The following CABP1 variants were observed in gnomAD, a reference collection of about 807,000 sequenced individuals.
The protein encoded by CABP1 is calcium-binding protein 1.
In CABP1, 17 loss-of-function variants were observed where a neutral mutation model predicts 34.3. The ratio of observed to expected loss-of-function variants is 0.50; its 90% CI spans 0.34 to 0.74. CABP1 has a LOEUF of 0.74. Among genes scored for constraint, CABP1 ranks in the 30% least tolerant of loss-of-function variants. The probability of loss-of-function intolerance (pLI) is 0.01; values close to 1 mark genes in which losing one functional copy is unlikely to be tolerated. For synonymous variants in CABP1, 198 were observed against 229.2 expected (o/e 0.86, Z 1.23); for missense variants, 373 against 511.1 (o/e 0.73, Z 2.61).
intron 1 of CABP1, chr12:120,650,733 A>C: frequency 6.5e-4 from 1,013 of 1,554,682 alleles, no homozygotes; most frequent in Non-Finnish European, 8.1e-4. Context: ...GGGGTATCTC[A>C]CCATCTGTCT....
the CABP1 span, among the ~76,000 whole-genome samples, chr12:120,675,057 G>GT: frequency 5.6e-5 from 8 of 143,710 alleles, no homozygotes; most frequent in South Asian, 1.6e-3. Flanking sequence ...TTAAACATTA[G>GT]TTTTTTGTTT....
chr12:120,655,646 G>A lies in CABP1; in HGVS notation c.655-4232G>A, dbSNP rs573245269. 63 of 1,403,750 alleles carry A rather than the reference G, an allele frequency of 4.5e-5. No individual in the cohort carries two copies. The African/African-American group carries it at 8.8e-4, about 20-fold the overall frequency. 87.0% of individuals were successfully genotyped at this position (1,403,750 alleles called of 1,614,324 possible). On this transcript the variant is annotated intron_variant, in intron 1 of 5. Coordinates refer to ENST00000316803, the MANE Select transcript of CABP1 (RefSeq NM_001033677.2). ...GACAAGTCTGTTTGGGAGCTGGGAGGAATGACTTAGCCCTGGAGATTGACT... is the reference window on the plus strand; with the variant it reads ...GACAAGTCTGTTTGGGAGCTGGGAGAAATGACTTAGCCCTGGAGATTGACT...
At chr12:120,645,277 G>C (rs926588367) in intron 1 of CABP1, among the ~76,000 whole-genome samples, 8 of 152,158 alleles carry the variant, frequency 5.3e-5, no homozygotes, top group Non-Finnish European at 1.0e-4. Flanking sequence ...CTTTCTCTGG[G>C]GCCTGGGGAG....
In CABP1 at chr12:120,660,917, G is replaced by A. The variant is rs904909420; in HGVS notation, c.939+77G>A. 1 of 1,397,636 alleles carries A rather than the reference G, an allele frequency of 7.2e-7. No homozygotes were observed. Among genetic ancestry groups the A allele is most frequent in the African/African-American group, 1.4e-5 (1 of 70,536 alleles). 86.6% of individuals were successfully genotyped at this position (1,397,636 alleles called of 1,614,324 possible). A position where few individuals can be genotyped will look rare whatever the true frequency, so the allele number is the denominator to read the frequency against. On this transcript the variant is annotated intron_variant, in intron 4 of 5. Coordinates refer to ENST00000316803, the MANE Select transcript of CABP1 (RefSeq NM_001033677.2). The surrounding 1 kb of genome is among the most constrained non-coding windows in gnomAD (Gnocchi z 5.0). Reference sequence around the variant, plus strand: ...AGTATAAATACTTCAAAAGAAGCCTGAGCCTCAAGTCCCAGATCAGGGGAG... The same window carrying A: ...AGTATAAATACTTCAAAAGAAGCCTAAGCCTCAAGTCCCAGATCAGGGGAG...
chr12:120,640,921 C>T lies in CABP1; in HGVS notation c.236C>T (p.Ala79Val). 1 of 1,111,844 alleles carries T rather than the reference C, an allele frequency of 9.0e-7. No homozygotes were observed. Among genetic ancestry groups the T allele is most frequent in the Non-Finnish European group, 1.1e-6 (1 of 911,920 alleles). 68.9% of individuals were successfully genotyped at this position (1,111,844 alleles called of 1,614,324 possible). Reference protein sequence around the residue: ...TSLLKAAAAAASGGSRAPRHG... With the variant: ...TSLLKAAAAAVSGGSRAPRHG... ...CTGCTGAAGGCGGCGGCGGCGGCGG[C>T]GAGCGGGGGCAGCCGGGCTCCCCGC... The change falls in exon 1 of 6, where the codon GCG (alanine) becomes GTG (valine). Residue 79 changes from alanine (A) to valine (V), a missense_variant. Around this residue, in one of 4 missense-constraint regions of CABP1, gnomAD observed 134 missense variants for 145.4 expected, o/e 0.92. Coordinates refer to ENST00000316803, the MANE Select transcript of CABP1 (RefSeq NM_001033677.2). The surrounding 1 kb of genome is among the most constrained non-coding windows in gnomAD (Gnocchi z 6.2).
chr12:120,666,723 G>A (rs1019394418), intron 5 of CABP1, 152 bp from the exon 6 acceptor site: 2 of 790,778 alleles, frequency 2.5e-6, no homozygotes, highest in Non-Finnish European at 4.1e-6. Context: ...GAACACTCTC[G>A]CTGGCTGCTG....
intron 5 of CABP1, among the ~76,000 whole-genome samples, chr12:120,664,850 G>A (rs752392213): frequency 2.0e-5 from 3 of 151,262 alleles, no homozygotes; most frequent in Non-Finnish European, 4.4e-5. Context: ...ACTCCAGCCT[G>A]GGCAACAGAG....
chr12:120,648,207 A>AT (rs1879638937), intron 1 of CABP1, among the ~76,000 whole-genome samples: 1 of 152,142 alleles, frequency 6.6e-6, no homozygotes, highest in African/African-American at 2.4e-5. Context: ...GTCTTTCCTG[A>AT]TCCCCTAGAC....
intron 1 of CABP1, among the ~76,000 whole-genome samples, chr12:120,653,267 T>C (rs1263448879): frequency 1.3e-5 from 2 of 152,204 alleles, no homozygotes; most frequent in African/African-American, 4.8e-5. Context: ...ATGGCAACTC[T>C]ATTTATTCAC....
intron 1 of CABP1, among the ~76,000 whole-genome samples, chr12:120,644,829 C>T (rs1879476509): frequency 1.3e-5 from 2 of 152,162 alleles, no homozygotes. Flanking sequence ...TTTTGAGACA[C>T]AGTGTCACTC....
At chr12:120,659,108 CAT>C (rs1225205011) in intron 1 of CABP1, 4 of 152,256 alleles carry the variant, frequency 2.6e-5, no homozygotes, top group Admixed American at 6.5e-5. Context: ...AGGCTGGAGA[CAT>C]GTGCTTTTTG....
intron 5 of CABP1, among the ~76,000 whole-genome samples, chr12:120,664,880 GAA>G (rs77147570): frequency 2.5e-5 from 3 of 120,528 alleles, no homozygotes; most frequent in East Asian, 2.5e-4. Flanking sequence ...GTCTCAAAAA[GAA>G]AAAAAAAAAA....
In CABP1 at chr12:120,657,623, C is replaced by T. The variant is rs1170838170; in HGVS notation, c.655-2255C>T. ...ACATTAGTGGGCATCCCTGGCTCTACTCCAGGGCAGAGAACACACATAGCT... is the reference window on the plus strand; with the variant it reads ...ACATTAGTGGGCATCCCTGGCTCTATTCCAGGGCAGAGAACACACATAGCT... On this transcript the variant is annotated intron_variant, in intron 1 of 5. Coordinates refer to ENST00000316803, the MANE Select transcript of CABP1 (RefSeq NM_001033677.2). 2.0e-5 allele frequency among the ~76,000 whole-genome samples: 3 copies of T among 152,208 alleles called. 1 individual carries two copies. The highest frequency in any genetic ancestry group is 3.8e-4 in the East Asian group (2 of 5,206).
At chr12:120,672,969 A>G in the CABP1 span, among the ~76,000 whole-genome samples, 4 of 152,306 alleles carry the variant, frequency 2.6e-5, no homozygotes, top group African/African-American at 9.6e-5. Context: ...GGCAGAAGTT[A>G]CAGTGATCCG....
downstream of CABP1, among the ~76,000 whole-genome samples, chr12:120,669,106 T>TG (rs1201069378): frequency 1.4e-5 from 1 of 69,502 alleles, no homozygotes; most frequent in African/African-American, 5.4e-5. Flanking sequence ...GGTTGATGGC[T>TG]GGGGGTGGGA....
In CABP1 at chr12:120,660,953, C is replaced by T. The variant is rs1363126803; in HGVS notation, c.939+113C>T. 1 of 1,410,264 alleles carries T rather than the reference C, an allele frequency of 7.1e-7. No homozygotes were observed. The highest frequency in any genetic ancestry group is 9.9e-7 in the Non-Finnish European group (1 of 1,012,560). 87.4% of individuals were successfully genotyped at this position (1,410,264 alleles called of 1,614,324 possible). On this transcript the variant is annotated intron_variant, in intron 4 of 5. Coordinates refer to ENST00000316803, the MANE Select transcript of CABP1 (RefSeq NM_001033677.2). The surrounding 1 kb of genome is among the most constrained non-coding windows in gnomAD (Gnocchi z 5.0). ...CCCAGATCAGGGGAGGGAGCTTGGACAGAGAAAGGTCTCTGGTAAAGGGGG... is the reference window on the plus strand; with the variant it reads ...CCCAGATCAGGGGAGGGAGCTTGGATAGAGAAAGGTCTCTGGTAAAGGGGG...
chr12:120,668,147 G>A (rs1881110833), downstream of CABP1, among the ~76,000 whole-genome samples: 1 of 152,222 alleles, frequency 6.6e-6, no homozygotes, highest in Admixed American at 6.5e-5. Context: ...GTGAAGTGAT[G>A]TCAAGGGTTT....
the CABP1 span, among the ~76,000 whole-genome samples, chr12:120,677,957 T>C: frequency 6.6e-6 from 1 of 152,250 alleles, no homozygotes; most frequent in South Asian, 2.1e-4. Flanking sequence ...TCCTGCGAAG[T>C]TGGGGACCCG....
rs1421934952 is a variant in CABP1, at chr12:120,666,843, C to T, written c.1088-32C>T. On this transcript the variant is annotated intron_variant, in intron 5 of 5. Coordinates refer to ENST00000316803, the MANE Select transcript of CABP1 (RefSeq NM_001033677.2). ...AACCTGGGGAGGCCTCTGGCTGCTG[C>T]TTGCTCCCCAGCTGCTCCTCTACCC... 4 of 1,595,208 alleles carry T rather than the reference C, an allele frequency of 2.5e-6. No individual in the cohort carries two copies. In the South Asian group the frequency reaches 4.5e-5, roughly 18 times the overall value.
Sources: allele counts gnomAD v4.1 joint callset (sites outside exome capture counted in the v4.1 genomes callset), GRCh38; gene constraint gnomAD v4.1.1; regional missense constraint gnomAD v4.1.1; non-coding constraint Gnocchi (gnomAD v3.1); transcripts MANE v1.5; gene names NCBI Gene and HGNC (gene_info 2026-07-23, HGNC 2026-07-21).